Variants in CTNND2 observed in about 807,000 individuals in gnomAD.
The protein encoded by CTNND2 is catenin delta-2.
CTNND2 carries 22 observed loss-of-function variants against 144.4 expected under a neutral mutation model. The ratio of observed to expected loss-of-function variants is 0.15; its 90% CI spans 0.11 to 0.22. The LOEUF is 0.22. CTNND2 is among the 10% of genes least tolerant of loss of function. CTNND2 has a pLI of 1.00. For synonymous variants in CTNND2, 751 were observed against 695.6 expected (o/e 1.08, Z -1.25); for missense variants, 1,353 against 1,618.8 (o/e 0.84, Z 2.82).
At chr5:11,094,413 C>A (rs987511207) in intron 15 of CTNND2, among the ~76,000 whole-genome samples, 27 of 151,544 alleles carry the variant, frequency 1.8e-4, no homozygotes, top group African/African-American at 6.5e-4. Flanking sequence ...TGTCTTTTCT[C>A]TTTGCCACCA....
At chr5:11,588,934 AACCG>A (rs1779053662) in intron 2 of CTNND2, 1 of 985,274 alleles carries the variant, frequency 1.0e-6, no homozygotes, top group Admixed American at 6.2e-5. Flanking sequence ...GCAGCTCAAA[AACCG>A]AGAAGGGAGT....
intron 21 of CTNND2, among the ~76,000 whole-genome samples, chr5:10,974,891 C>A (rs942193934): frequency 6.6e-6 from 1 of 152,196 alleles, no homozygotes; most frequent in Admixed American, 6.5e-5. Flanking sequence ...GAAACTCCCT[C>A]TTATATATGT....
chr5:11,588,883 C>CCCT (rs150628961), intron 2 of CTNND2: 1 of 985,342 alleles, frequency 1.0e-6, no homozygotes, highest in Non-Finnish European at 1.2e-6. Flanking sequence ...CTACCCACCT[C>CCCT]CCTCCTCCCT....
chr5:11,765,036 C>G (rs1789499497), intron 1 of CTNND2, among the ~76,000 whole-genome samples: 1 of 135,198 alleles, frequency 7.4e-6, no homozygotes, highest in East Asian at 2.6e-4. Context: ...TTAATCCTGC[C>G]CCCCCCACCC....
intron 14 of CTNND2, among the ~76,000 whole-genome samples, chr5:11,107,835 C>T (rs1033304089): frequency 2.7e-5 from 4 of 146,430 alleles, no homozygotes; most frequent in Non-Finnish European, 4.6e-5. Context: ...CAAAGTCTCA[C>T]CAGGAAAGAA....
intron 3 of CTNND2, among the ~76,000 whole-genome samples, chr5:11,428,817 C>A (rs1328883795): frequency 6.6e-6 from 1 of 152,242 alleles, no homozygotes. Flanking sequence ...ATCAATCTAC[C>A]GAGTGAATAT....
At chr5:11,863,651 CAT>C (rs1222739406) in intron 1 of CTNND2, among the ~76,000 whole-genome samples, 1 of 152,200 alleles carries the variant, frequency 6.6e-6, no homozygotes, top group African/African-American at 2.4e-5. Context: ...TTGGCAAACT[CAT>C]GTGCTACAGT....
chr5:11,383,672 T>C (rs556393770), intron 7 of CTNND2, among the ~76,000 whole-genome samples: 1 of 152,364 alleles, frequency 6.6e-6, no homozygotes, highest in African/African-American at 2.4e-5. Context: ...TTTTAAATCC[T>C]ATTTATCTTC....
chr5:11,436,694 G>C (rs995333188), intron 3 of CTNND2, among the ~76,000 whole-genome samples: 1 of 152,082 alleles, frequency 6.6e-6, no homozygotes, highest in African/African-American at 2.4e-5. Context: ...ATTTTATTTA[G>C]AACAAAGGAT....
chr5:11,629,475 G>A (rs897706338), intron 2 of CTNND2, among the ~76,000 whole-genome samples: 6 of 152,162 alleles, frequency 3.9e-5, no homozygotes, highest in Admixed American at 2.0e-4. Flanking sequence ...TAGAAAGAAT[G>A]TATTTCCACC....
At chr5:11,620,395 G>A (rs1034831247) in intron 2 of CTNND2, among the ~76,000 whole-genome samples, 3 of 152,166 alleles carry the variant, frequency 2.0e-5, no homozygotes, top group African/African-American at 7.2e-5. Flanking sequence ...GGGGCAGAGA[G>A]CACACAATCC....
Position 11,903,400 on chromosome 5 carries a change from G to C in CTNND2, c.37+417C>G, listed in dbSNP as rs1738066722. On this transcript the variant is annotated intron_variant, in intron 1 of 21. Coordinates refer to ENST00000304623, the MANE Select transcript of CTNND2 (RefSeq NM_001332.4). The surrounding 1 kb of genome is among the most constrained non-coding windows in gnomAD (Gnocchi z 5.4). Reference sequence around the variant, plus strand: ...AACATCGTAATGACATTGAACATAAGGGCAAAAGACTGGAGGGAAGTCCTC... The same window carrying C: ...AACATCGTAATGACATTGAACATAACGGCAAAAGACTGGAGGGAAGTCCTC... The C allele has an allele frequency of 9.7e-7, 1 of 1,026,856 alleles. No individual in the cohort carries two copies. Among genetic ancestry groups the C allele is most frequent in the East Asian group, 8.9e-5 (1 of 11,292 alleles). 63.6% of individuals were successfully genotyped at this position (1,026,856 alleles called of 1,614,324 possible).
At chr5:11,083,235 A>G (rs905970289) in intron 15 of CTNND2, among the ~76,000 whole-genome samples, 4 of 152,196 alleles carry the variant, frequency 2.6e-5, no homozygotes, top group Non-Finnish European at 4.4e-5. Flanking sequence ...GAAAATGAGA[A>G]TGGGTTGTGT....
At chr5:11,869,918 C>G (rs1449542138) in intron 1 of CTNND2, among the ~76,000 whole-genome samples, 1 of 152,096 alleles carries the variant, frequency 6.6e-6, no homozygotes, top group Non-Finnish European at 1.5e-5. Flanking sequence ...TATTCTAATT[C>G]CCCTGACACA....
At chr5:11,250,519 ATTTTT>A (rs67476400) in intron 9 of CTNND2, among the ~76,000 whole-genome samples, 1 of 83,258 alleles carries the variant, frequency 1.2e-5, no homozygotes, top group African/African-American at 6.1e-5. Flanking sequence ...ATATACATAT[ATTTTT>A]TTTTTTTTTT....
chr5:11,158,530 G>T (rs1177013558), intron 12 of CTNND2, among the ~76,000 whole-genome samples: 10 of 152,126 alleles, frequency 6.6e-5, no homozygotes, highest in Non-Finnish European at 2.9e-5. Flanking sequence ...GTAGATATTC[G>T]TGGAGGCAGG....
chr5:11,512,429 A>G (rs1439751958), intron 3 of CTNND2, among the ~76,000 whole-genome samples: 3 of 152,186 alleles, frequency 2.0e-5, no homozygotes, highest in Non-Finnish European at 4.4e-5. Context: ...AATTTCCCAC[A>G]AAGTGTCTTT....
At chr5:10,978,971 A>G (rs1418273437) in intron 21 of CTNND2, among the ~76,000 whole-genome samples, 1 of 152,126 alleles carries the variant, frequency 6.6e-6, no homozygotes, top group Non-Finnish European at 1.5e-5. Context: ...TACTGCAGCC[A>G]CTCTGTGAGA....
At chr5:11,071,367 G>A (rs1459610195) in intron 16 of CTNND2, among the ~76,000 whole-genome samples, 1 of 152,086 alleles carries the variant, frequency 6.6e-6, no homozygotes, top group Admixed American at 6.5e-5. Context: ...GCAACACCTT[G>A]TCTCTACTAT....
Sources: gnomAD v4.1 joint callset for allele counts (sites outside exome capture counted in the v4.1 genomes callset) on GRCh38, gnomAD v4.1.1 for gene constraint, Gnocchi (gnomAD v3.1) non-coding constraint, MANE v1.5 for transcripts, NCBI Gene and HGNC (gene_info 2026-07-23, HGNC 2026-07-21) for gene names.